The following SHROOM3 variants were observed in gnomAD, a reference collection of about 807,000 sequenced individuals.
SHROOM3 encodes the protein shroom family member 3.
Under a neutral mutation model 138.6 loss-of-function variants are expected in SHROOM3, and 47 were observed. The ratio of observed to expected loss-of-function variants is 0.34; its 90% CI spans 0.27 to 0.43. The LOEUF (loss-of-function observed/expected upper bound fraction) is 0.43, where lower values mean the gene tolerates loss of function less well. Ranked by LOEUF, SHROOM3 falls within the 20% of genes least tolerant of loss-of-function variation. The probability of loss-of-function intolerance (pLI) is 1.00; values close to 1 mark genes in which losing one functional copy is unlikely to be tolerated. For synonymous variants in SHROOM3, 1,062 were observed against 1,063.3 expected, an observed-to-expected ratio of 1.00 and a Z score of 0.02; for missense variants, 2,491 against 2,596.5, an observed-to-expected ratio of 0.96 and a Z score of 0.88.
intron 9 of SHROOM3, 39 bp from the exon 10 acceptor site, chr4:76,770,587 C>G (rs375511908): frequency 6.2e-7 from 1 of 1,610,894 alleles, no homozygotes; most frequent in Non-Finnish European, 8.5e-7. Flanking sequence ...ACTGGCACCT[C>G]CTGTTGGCTG....
chr4:76,724,184 A>G (rs917133493), intron 3 of SHROOM3, among the ~76,000 whole-genome samples: 1 of 152,248 alleles, frequency 6.6e-6, no homozygotes, highest in East Asian at 1.9e-4. Flanking sequence ...GTGGTTAGGA[A>G]TGCAACAAAA....
chr4:76,629,191 A>G (rs1735238594), intron 2 of SHROOM3, among the ~76,000 whole-genome samples: 1 of 152,210 alleles, frequency 6.6e-6, no homozygotes, highest in African/African-American at 2.4e-5. Flanking sequence ...TCAATGCCAA[A>G]GCAACATTTG....
At chr4:76,624,623 A>C (rs1735087111) in intron 2 of SHROOM3, among the ~76,000 whole-genome samples, 1 of 152,166 alleles carries the variant, frequency 6.6e-6, no homozygotes, top group Non-Finnish European at 1.5e-5. Flanking sequence ...TTACGTTTTT[A>C]AAAAGAGTGG....
intron 2 of SHROOM3, among the ~76,000 whole-genome samples, chr4:76,566,234 A>G (rs1011799439): frequency 6.6e-6 from 1 of 151,908 alleles, no homozygotes; most frequent in Non-Finnish European, 1.5e-5. Flanking sequence ...TAGCATTTAC[A>G]TTATATTAGG....
At chr4:76,576,180 T>C (rs776310965) in intron 2 of SHROOM3, among the ~76,000 whole-genome samples, 26 of 152,314 alleles carry the variant, frequency 1.7e-4, no homozygotes, top group Non-Finnish European at 2.9e-4. Flanking sequence ...TCAGTACCTC[T>C]AAGAGGTATC....
intron 2 of SHROOM3, among the ~76,000 whole-genome samples, chr4:76,628,578 G>C (rs1254155249): frequency 6.6e-6 from 1 of 152,104 alleles, no homozygotes; most frequent in South Asian, 2.1e-4. Flanking sequence ...AATACTTATT[G>C]TGTCTTTGTG....
chr4:76,738,177 C>T (rs1257846941), intron 4 of SHROOM3, among the ~76,000 whole-genome samples: 1 of 152,168 alleles, frequency 6.6e-6, no homozygotes, highest in Non-Finnish European at 1.5e-5. Flanking sequence ...TAATTTCTCT[C>T]ATTCAGCTTT....
chr4:76,740,893 G>A lies in SHROOM3; in HGVS notation c.2720G>A (p.Arg907Lys). The change falls in exon 5 of 11, where the codon AGG (arginine) becomes AAG (lysine). Residue 907 changes from arginine (R) to lysine (K), a missense_variant. Around this residue, in one of 4 missense-constraint regions of SHROOM3, gnomAD observed 1,733 missense variants for 1,661.6 expected, o/e 1.04. Transcript: ENST00000296043. The surrounding 1 kb of genome is among the most constrained non-coding windows in gnomAD (Gnocchi z 4.0). The stretch of plus-strand genomic sequence containing the variant: ...GAGAGGGAGCCCGAGTGGCGGGACA[G>A]GCCCGGCTCGCCCGAATCGCCCCTG... ...EPEREPEWRD[R>K]PGSPESPLLD... The A allele has an allele frequency of 6.6e-7, 1 of 1,516,380 alleles. No homozygotes were observed. The highest frequency in any genetic ancestry group is 8.8e-7 in the Non-Finnish European group (1 of 1,136,860). 93.9% of individuals were successfully genotyped at this position (1,516,380 alleles called of 1,614,324 possible).
chr4:76,548,976 G>T (rs1373650873), intron 1 of SHROOM3, among the ~76,000 whole-genome samples: 1 of 152,150 alleles, frequency 6.6e-6, no homozygotes, highest in Admixed American at 6.5e-5. Context: ...GACAAACAAT[G>T]CCAGTAACCT....
rs1579166461 is a variant in SHROOM3 at position 76,457,615 on chromosome 4, C to T, written c.168+21395C>T. On this transcript the variant is annotated intron_variant, in intron 1 of 10. Coordinates refer to ENST00000296043, the MANE Select transcript of SHROOM3 (RefSeq NM_020859.4). ...CAAGCGATTCTCCTGCCTCAGCCTCCCGAGTAGCTGGGATTACAGGCACGC... is the reference window on the plus strand; with the variant it reads ...CAAGCGATTCTCCTGCCTCAGCCTCTCGAGTAGCTGGGATTACAGGCACGC... Among the ~76,000 whole-genome samples the T allele has an allele frequency of 2.6e-5, 4 of 151,822 alleles. No homozygotes were observed. In the South Asian group the frequency reaches 8.3e-4, roughly 32 times the overall value.
At chr4:76,692,251 T>C (rs1270154244) in intron 2 of SHROOM3, among the ~76,000 whole-genome samples, 1 of 152,214 alleles carries the variant, frequency 6.6e-6, no homozygotes, top group Non-Finnish European at 1.5e-5. Flanking sequence ...ACTAGTTTTC[T>C]TATGCTGTTG....
Position 76,436,176 on chromosome 4 carries a change from C to T in SHROOM3, c.124C>T (p.Leu42=). 6.2e-7 allele frequency: 1 copy of T among 1,614,054 alleles called. No homozygotes were observed. The highest frequency in any genetic ancestry group is 2.2e-5 in the East Asian group (1 of 44,880). ...LEGGAPWGFT[L]KGGLEHGEPL... ...GGGAGGAGCTCCCTGGGGTTTTACT[C>T]TAAAGGGTGGCCTGGAGCACGGAGA... Residue 42 remains leucine (L), a synonymous_variant, in exon 1 of 11, where the codon CTA becomes TTA. Transcript: ENST00000296043.
rs1394676216 is a variant in SHROOM3, at chr4:76,723,569, G to T, written c.456-7235G>T. 2.0e-5 allele frequency among the ~76,000 whole-genome samples: 3 copies of T among 152,006 alleles called. No individual in the cohort carries two copies. In the East Asian group the frequency reaches 5.8e-4, roughly 29 times the overall value. ...CCTTATAACTATATGAGAATATCTT[G>T]TTTGATTTGCTTACTTGCTTACTCC... is the stretch of plus-strand genomic sequence containing the variant. On this transcript the variant is annotated intron_variant, in intron 3 of 10. Transcript: ENST00000296043.
chr4:76,487,132 C>T (rs1053396697), intron 1 of SHROOM3, among the ~76,000 whole-genome samples: 1 of 152,160 alleles, frequency 6.6e-6, no homozygotes, highest in Admixed American at 6.5e-5. Flanking sequence ...CACTTATCTA[C>T]TTTCTGTCCC....
chr4:76,646,247 TAA>T (rs1491310759), intron 2 of SHROOM3, among the ~76,000 whole-genome samples: 4 of 140,764 alleles, frequency 2.8e-5, no homozygotes, highest in African/African-American at 1.0e-4. Flanking sequence ...TATATATATA[TAA>T]AATTAAAAAA....
At chr4:76,725,222 C>T (rs1720669675) in intron 3 of SHROOM3, among the ~76,000 whole-genome samples, 1 of 151,846 alleles carries the variant, frequency 6.6e-6, no homozygotes, top group South Asian at 2.1e-4. Context: ...ATACTCTGCC[C>T]AGGGCAAATA....
At chr4:76,560,498 C>G (rs1411144289) in intron 2 of SHROOM3, among the ~76,000 whole-genome samples, 1 of 152,166 alleles carries the variant, frequency 6.6e-6, no homozygotes, top group African/African-American at 2.4e-5. Context: ...AATCCCAATT[C>G]TGATCTTTTC....
intron 2 of SHROOM3, chr4:76,688,603 C>T (rs926238162): frequency 1.0e-4 from 103 of 985,238 alleles, no homozygotes; most frequent in Non-Finnish European, 1.2e-4. Context: ...AAAATTCCTA[C>T]CTCCGTTGAA....
At chr4:76,676,727 A>T (rs1719036176) in intron 2 of SHROOM3, among the ~76,000 whole-genome samples, 1 of 152,048 alleles carries the variant, frequency 6.6e-6, no homozygotes, top group Non-Finnish European at 1.5e-5. Flanking sequence ...AAAAACTCTG[A>T]CCCTTGGAGA....
Sources: gnomAD v4.1 joint callset for allele counts (sites outside exome capture counted in the v4.1 genomes callset) on GRCh38, gnomAD v4.1.1 for gene constraint, gnomAD v4.1.1 regional missense constraint, Gnocchi (gnomAD v3.1) non-coding constraint, MANE v1.5 for transcripts, NCBI Gene and HGNC (gene_info 2026-07-23, HGNC 2026-07-21) for gene names.